CCDC83: variants seen among roughly 807,000 people sequenced by gnomAD.
The protein encoded by CCDC83 is coiled-coil domain-containing protein 83.
A neutral mutation model predicts 50.1 loss-of-function variants in CCDC83; 54 were observed. The observed-to-expected ratio is 1.08, with a 90% CI of 0.87 to 1.35. The LOEUF is 1.35. Ranked by LOEUF, CCDC83 falls within the 40% of genes most tolerant of loss-of-function variation. The pLI, the probability that CCDC83 is intolerant of heterozygous loss-of-function variation, is 0.00. For synonymous variants in CCDC83, 161 were observed against 153.3 expected (o/e 1.05, Z -0.37); for missense variants, 518 against 473.9 (o/e 1.09, Z -0.86).
intron 5 of CCDC83, 27 bp from the exon 6 acceptor site, chr11:85,895,266 T>TA (rs371463931): frequency 0.13 from 11,516 of 88,554 alleles, 155 homozygotes; most frequent in East Asian, 0.33. Flanking sequence ...TTAATTTTCT[T>TA]TTTTTTTTTT....
At chr11:85,892,361 G>A (rs535469610) in intron 5 of CCDC83, among the ~76,000 whole-genome samples, 40 of 152,274 alleles carry the variant, frequency 2.6e-4, no homozygotes, top group African/African-American at 5.8e-4. Context: ...ACCAATAAAT[G>A]GTTAATTGTT....
chr11:85,894,888 G>C (rs2093365595), intron 5 of CCDC83, among the ~76,000 whole-genome samples: 1 of 152,108 alleles, frequency 6.6e-6, no homozygotes, highest in South Asian at 2.1e-4. Context: ...CATCTTTCAA[G>C]GCCTAAAATT....
At chr11:85,896,806 T>C (rs548312615) in intron 6 of CCDC83, among the ~76,000 whole-genome samples, 2 of 151,960 alleles carry the variant, frequency 1.3e-5, no homozygotes, top group South Asian at 2.1e-4. Flanking sequence ...TCAAACTATC[T>C]GCAAAATCAG....
intron 5 of CCDC83, among the ~76,000 whole-genome samples, chr11:85,893,275 T>C (rs2093358335): frequency 6.6e-6 from 1 of 152,240 alleles, no homozygotes; most frequent in Non-Finnish European, 1.5e-5. Context: ...TACTTTCTGC[T>C]CTCAGCGTTT....
chr11:85,868,613 C>G (rs1484157278), intron 2 of CCDC83, among the ~76,000 whole-genome samples: 1 of 152,176 alleles, frequency 6.6e-6, no homozygotes, highest in Non-Finnish European at 1.5e-5. Context: ...TGATCTTGGC[C>G]TCCTGCCTTG....
intron 1 of CCDC83, among the ~76,000 whole-genome samples, chr11:85,861,266 A>C (rs76925373): frequency 6.6e-6 from 1 of 152,334 alleles, no homozygotes; most frequent in African/African-American, 2.4e-5. Flanking sequence ...TCTAAGTTAG[A>C]TTGCTCTTTA....
intron 8 of CCDC83, among the ~76,000 whole-genome samples, chr11:85,911,639 A>G (rs1306728861): frequency 6.6e-6 from 1 of 152,208 alleles, no homozygotes; most frequent in Non-Finnish European, 1.5e-5. Flanking sequence ...AATAGCCAGC[A>G]CATAACATGA....
chr11:85,857,814 G>A (rs1406064558), intron 1 of CCDC83, among the ~76,000 whole-genome samples: 1 of 152,112 alleles, frequency 6.6e-6, no homozygotes, highest in African/African-American at 2.4e-5. Flanking sequence ...CATCAAGATC[G>A]ACCCCATCAA....
chr11:85,912,410 A>G (rs780439288), intron 8 of CCDC83, among the ~76,000 whole-genome samples: 1 of 152,180 alleles, frequency 6.6e-6, no homozygotes, highest in Non-Finnish European at 1.5e-5. Flanking sequence ...AAATTGGGAG[A>G]TAAGCTGGGT....
chr11:85,881,706 A>C (rs1293468954), intron 3 of CCDC83, among the ~76,000 whole-genome samples: 1 of 152,204 alleles, frequency 6.6e-6, no homozygotes, highest in Non-Finnish European at 1.5e-5. Flanking sequence ...GGCATGAGCC[A>C]CCACACGCTG....
At chr11:85,910,706 T>G (rs2093449664) in intron 7 of CCDC83, among the ~76,000 whole-genome samples, 1 of 152,242 alleles carries the variant, frequency 6.6e-6, no homozygotes, top group African/African-American at 2.4e-5. Context: ...ATTCCTGCTA[T>G]TCTATCATAA....
intron 2 of CCDC83, 43 bp from the exon 3 acceptor site, chr11:85,873,168 A>G: frequency 9.5e-7 from 1 of 1,049,212 alleles, no homozygotes; most frequent in South Asian, 1.7e-5. Flanking sequence ...CTCATTTCCT[A>G]AGATAAATGA....
In CCDC83 at chr11:85,917,192, G is replaced by GAAAGAA. The variant is rs368407830; in HGVS notation, c.1080+960_1080+961insAAGAAA. On this transcript the variant is annotated intron_variant, in intron 10 of 10. Transcript: ENST00000342404. ...AGAAAGAAAGAAAGAAAGAAAGAAA[G>GAAAGAA]AGAAAGAAAGAAAGAAGGAAAGAAA... 2.4e-3 allele frequency among the ~76,000 whole-genome samples: 194 copies of GAAAGAA among 79,722 alleles called. 5 individuals are homozygous for GAAAGAA. Among genetic ancestry groups the GAAAGAA allele is most frequent in the African/African-American group, 8.8e-3 (176 of 20,002 alleles). 52.3% of individuals were successfully genotyped at this position (79,722 alleles called of 152,430 possible).
intron 7 of CCDC83, among the ~76,000 whole-genome samples, chr11:85,905,693 G>C (rs2093422360): frequency 6.6e-6 from 1 of 151,876 alleles, no homozygotes; most frequent in Non-Finnish European, 1.5e-5. Flanking sequence ...GGGAGGGCCA[G>C]GCGCAGTGGC....
intron 2 of CCDC83, among the ~76,000 whole-genome samples, chr11:85,867,011 T>G (rs2093211235): frequency 6.6e-6 from 1 of 152,126 alleles, no homozygotes; most frequent in South Asian, 2.1e-4. Flanking sequence ...AGTATAAAGT[T>G]GAAGATGGAG....
chr11:85,889,696 C>T (rs895382629), intron 5 of CCDC83, among the ~76,000 whole-genome samples: 11 of 152,326 alleles, frequency 7.2e-5, no homozygotes, highest in Middle Eastern at 3.4e-3. Context: ...TCTACACAGG[C>T]TGCCTTCTTT....
At chr11:85,872,903 G>C (rs947614232) in intron 2 of CCDC83, among the ~76,000 whole-genome samples, 4 of 151,926 alleles carry the variant, frequency 2.6e-5, no homozygotes, top group African/African-American at 9.7e-5. Flanking sequence ...CATGTTTTCT[G>C]TATGCCCACT....
rs1554986941 is a variant in CCDC83, at chr11:85,917,213, A to AGAAAGAGAGAAAGAAAGAAAGAAG, written c.1080+986_1080+987insGAGAAAGAAAGAAAGAAGGAAAGA. Among the ~76,000 whole-genome samples the AGAAAGAGAGAAAGAAAGAAAGAAG allele has an allele frequency of 1.5e-3, 169 of 114,934 alleles. 2 individuals carry two copies. Among genetic ancestry groups the AGAAAGAGAGAAAGAAAGAAAGAAG allele is most frequent in the Non-Finnish European group, 2.2e-3 (120 of 53,922 alleles). 75.4% of individuals were successfully genotyped at this position (114,934 alleles called of 152,430 possible). A position where few individuals can be genotyped will look rare whatever the true frequency, so the allele number is the denominator to read the frequency against. On this transcript the variant is annotated intron_variant, in intron 10 of 10. Coordinates refer to ENST00000342404, the MANE Select transcript of CCDC83 (RefSeq NM_001286159.2). ...GAAAGAGAAAGAAAGAAAGAAGGAA[A>AGAAAGAGAGAAAGAAAGAAAGAAG]GAAAGAAAGAAAGAAAGAAAAGAAA...
chr11:85,895,501 C>T, intron 6 of CCDC83, 117 bp downstream of exon 6: 1 of 606,928 alleles, frequency 1.6e-6, no homozygotes. Flanking sequence ...GGATGCTCAA[C>T]CTGTAATAAT....
Sources: gnomAD v4.1 joint callset for allele counts (sites outside exome capture counted in the v4.1 genomes callset) on GRCh38, gnomAD v4.1.1 for gene constraint, MANE v1.5 for transcripts, NCBI Gene and HGNC (gene_info 2026-07-23, HGNC 2026-07-21) for gene names.